PLCXD3: variants seen among roughly 807,000 people sequenced by gnomAD.
The protein encoded by PLCXD3 is PI-PLC X domain-containing protein 3.
PLCXD3 carries 19 observed loss-of-function variants against 25.5 expected under a neutral mutation model. The ratio of observed to expected loss-of-function variants is 0.75; its 90% CI spans 0.52 to 1.09. The LOEUF is 1.09. Ranked by LOEUF, PLCXD3 falls within the 50% of genes least tolerant of loss-of-function variation. The probability of loss-of-function intolerance (pLI) is 0.00; values close to 1 mark genes in which losing one functional copy is unlikely to be tolerated. For synonymous variants in PLCXD3, 174 were observed against 137.6 expected (o/e 1.26, Z -1.85); for missense variants, 411 against 388.1 (o/e 1.06, Z -0.50).
intron 2 of PLCXD3, among the ~76,000 whole-genome samples, chr5:41,368,960 G>A (rs1426556381): frequency 6.6e-6 from 1 of 152,122 alleles, no homozygotes; most frequent in Admixed American, 6.6e-5. Flanking sequence ...TTACGATATT[G>A]AAAAGCCTCT....
At chr5:41,320,557 C>T (rs1428380239) in intron 2 of PLCXD3, among the ~76,000 whole-genome samples, 6 of 152,172 alleles carry the variant, frequency 3.9e-5, no homozygotes, top group African/African-American at 1.2e-4. Context: ...AGTGCAGTGG[C>T]GCGATCTTGG....
At chr5:41,499,540 A>G (rs1211704626) in intron 1 of PLCXD3, among the ~76,000 whole-genome samples, 4 of 151,828 alleles carry the variant, frequency 2.6e-5, no homozygotes, top group Non-Finnish European at 4.4e-5. Context: ...GGACTGGAAG[A>G]CTTAATATTG....
intron 1 of PLCXD3, among the ~76,000 whole-genome samples, chr5:41,424,869 T>C (rs1206663689): frequency 6.6e-6 from 1 of 152,202 alleles, no homozygotes; most frequent in African/African-American, 2.4e-5. Context: ...TATTCTATAT[T>C]ATCATCAAGC....
chr5:41,364,390 T>A (rs189872023), intron 2 of PLCXD3, among the ~76,000 whole-genome samples: 298 of 152,322 alleles, frequency 2.0e-3, no homozygotes, highest in Non-Finnish European at 3.4e-3. Flanking sequence ...TATTTTTCTT[T>A]GGTAATCAAA....
intron 2 of PLCXD3, among the ~76,000 whole-genome samples, chr5:41,364,556 G>A (rs527958622): frequency 1.8e-4 from 27 of 152,300 alleles, no homozygotes; most frequent in Non-Finnish European, 3.4e-4. Context: ...AACTTAAAAT[G>A]TGTGTGCTCT....
intron 1 of PLCXD3, among the ~76,000 whole-genome samples, chr5:41,423,135 C>G: frequency 6.6e-6 from 1 of 151,854 alleles, no homozygotes. Context: ...TAATTTTAAA[C>G]TATTCTTGCA....
chr5:41,493,787 G>A (rs1481654813), intron 1 of PLCXD3, among the ~76,000 whole-genome samples: 1 of 152,222 alleles, frequency 6.6e-6, no homozygotes, highest in Non-Finnish European at 1.5e-5. Context: ...AAGCCCGTCG[G>A]AAAAGCGCAG....
At chr5:41,351,102 A>T (rs1329073445) in intron 2 of PLCXD3, among the ~76,000 whole-genome samples, 1 of 152,204 alleles carries the variant, frequency 6.6e-6, no homozygotes, top group Non-Finnish European at 1.5e-5. Context: ...TAAACTATCA[A>T]AGAAACCACA....
At chr5:41,372,294 TCTCTCACACACACACACACA>T (rs1266460884) in intron 2 of PLCXD3, among the ~76,000 whole-genome samples, 2 of 133,360 alleles carry the variant, frequency 1.5e-5, no homozygotes, top group African/African-American at 6.2e-5. Flanking sequence ...TCTCTCTCTC[TCTCTCACACACACACACACA>T]CACACACACA....
Position 41,510,255 on chromosome 5 carries a change from G to A in PLCXD3, c.103+169C>T, listed in dbSNP as rs140585605. On this transcript the variant is annotated intron_variant, in intron 1 of 2. Transcript: ENST00000377801. ...GTCCTTAGGGGTTTGGAAAACGCCA[G>A]GAAGCCCAAGGCTACCCGGCACGCG... Among the ~76,000 whole-genome samples, 9 of 152,328 alleles carry A rather than the reference G, an allele frequency of 5.9e-5. No individual in the cohort carries two copies. The East Asian group carries it at 1.5e-3, about 26-fold the overall frequency.
chr5:41,491,641 A>T (rs1748674036), intron 1 of PLCXD3, among the ~76,000 whole-genome samples: 3 of 152,224 alleles, frequency 2.0e-5, no homozygotes, highest in East Asian at 1.9e-4. Context: ...ATATATATTT[A>T]GGATAGTTAG....
At chr5:41,482,165 A>G (rs572122962) in intron 1 of PLCXD3, among the ~76,000 whole-genome samples, 2 of 152,064 alleles carry the variant, frequency 1.3e-5, no homozygotes, top group African/African-American at 4.8e-5. Context: ...TTTTCTCTGC[A>G]GTTGTTTACA....
At chr5:41,460,764 T>C (rs745679052) in intron 1 of PLCXD3, among the ~76,000 whole-genome samples, 4 of 152,028 alleles carry the variant, frequency 2.6e-5, no homozygotes, top group Non-Finnish European at 5.9e-5. Flanking sequence ...TTTCACCAAG[T>C]GGCTTACAGT....
intron 1 of PLCXD3, among the ~76,000 whole-genome samples, chr5:41,428,404 G>A (rs1353914591): frequency 9.7e-6 from 1 of 103,132 alleles, no homozygotes; most frequent in Non-Finnish European, 2.1e-5. Flanking sequence ...GTTTTTTTTA[G>A]GGTGGGCCCT....
intron 1 of PLCXD3, among the ~76,000 whole-genome samples, chr5:41,451,942 G>A (rs1277122001): frequency 1.3e-5 from 2 of 151,990 alleles, no homozygotes; most frequent in African/African-American, 2.4e-5. Context: ...TCTCAAATGA[G>A]GGGAATTTTG....
intron 1 of PLCXD3, among the ~76,000 whole-genome samples, chr5:41,477,189 G>C (rs1478847214): frequency 6.6e-6 from 1 of 152,006 alleles, no homozygotes; most frequent in East Asian, 1.9e-4. Context: ...TCTCCTATCT[G>C]AAAAATGGGA....
In PLCXD3 at chr5:41,356,132, G is replaced by A. The variant is rs547042846; in HGVS notation, c.812+25694C>T. ...ATGCAAAAAATTAGCCAGGCGTGGTGGCAGGCGCCTGTACTCCCAGCTACT... is the reference window on the plus strand; with the variant it reads ...ATGCAAAAAATTAGCCAGGCGTGGTAGCAGGCGCCTGTACTCCCAGCTACT... On this transcript the variant is annotated intron_variant, in intron 2 of 2. Transcript: ENST00000377801. 7.3e-4 allele frequency among the ~76,000 whole-genome samples: 111 copies of A among 152,210 alleles called. 1 individual carries two copies. The highest frequency in any genetic ancestry group is 5.2e-3 in the South Asian group (25 of 4,800).
chr5:41,383,509 T>C (rs570905672), intron 1 of PLCXD3, among the ~76,000 whole-genome samples: 8 of 152,256 alleles, frequency 5.3e-5, no homozygotes, highest in Admixed American at 4.6e-4. Context: ...TTTTATTTCT[T>C]AAAGCCTCCT....
At chr5:41,484,785 A>G (rs1035294624) in intron 1 of PLCXD3, among the ~76,000 whole-genome samples, 1 of 152,202 alleles carries the variant, frequency 6.6e-6, no homozygotes, top group African/African-American at 2.4e-5. Flanking sequence ...ATCTACTGTC[A>G]TGTTAAAATA....
Sources: gnomAD v4.1 joint callset for allele counts (sites outside exome capture counted in the v4.1 genomes callset) on GRCh38, gnomAD v4.1.1 for gene constraint, MANE v1.5 for transcripts, NCBI Gene and HGNC (gene_info 2026-07-23, HGNC 2026-07-21) for gene names.